Variants in ANO3 observed in about 807,000 individuals in gnomAD.
ANO3 encodes anoctamin-3.
In ANO3, 99 loss-of-function variants were observed where a neutral mutation model predicts 144.8. The ratio of observed to expected loss-of-function variants is 0.68; its 90% CI spans 0.58 to 0.81. The LOEUF is 0.81. Ranked by LOEUF, ANO3 falls within the 30% of genes least tolerant of loss-of-function variation. The probability of loss-of-function intolerance (pLI) is 0.00; values close to 1 mark genes in which losing one functional copy is unlikely to be tolerated. For synonymous variants in ANO3, 414 were observed against 392.6 expected (o/e 1.05, Z -0.64); for missense variants, 905 against 1,202.2 (o/e 0.75, Z 3.66).
At chr11:26,342,118 C>T (rs1855378070) in intron 1 of ANO3, among the ~76,000 whole-genome samples, 1 of 152,116 alleles carries the variant, frequency 6.6e-6, no homozygotes, top group Admixed American at 6.5e-5. Flanking sequence ...AATTGAAGGG[C>T]AGAGAAGTTA....
chr11:26,358,604 G>A (rs1339516690), intron 1 of ANO3, among the ~76,000 whole-genome samples: 3 of 151,974 alleles, frequency 2.0e-5, no homozygotes, highest in South Asian at 4.1e-4. Context: ...ATTTTTATGT[G>A]TATTGTGTTT....
rs373557954 is a variant in ANO3 at position 26,615,586 on chromosome 11, A to G, written c.1837-8876A>G. Among the ~76,000 whole-genome samples, 4 of 152,104 alleles carry G rather than the reference A, an allele frequency of 2.6e-5. No individual in the cohort carries two copies. The East Asian group carries it at 7.7e-4, about 29-fold the overall frequency. On this transcript the variant is annotated intron_variant, in intron 17 of 26. Transcript: ENST00000256737. ...AGGGACATAAAAATAACACATAGGG[A>G]TATTGAAAGACTAAATGAGTAACCT...
intron 1 of ANO3, among the ~76,000 whole-genome samples, chr11:26,325,991 C>A (rs1047740923): frequency 1.3e-5 from 2 of 152,030 alleles, no homozygotes; most frequent in African/African-American, 4.8e-5. Flanking sequence ...TCTAGAATCC[C>A]AAAGCAATGC....
intron 4 of ANO3, among the ~76,000 whole-genome samples, chr11:26,481,370 G>T (rs1345444625): frequency 6.6e-6 from 1 of 152,118 alleles, no homozygotes; most frequent in African/African-American, 2.4e-5. Context: ...CTAATACACT[G>T]TGTGATATAT....
chr11:26,289,888 T>C (rs1853916007), intron 1 of ANO3, among the ~76,000 whole-genome samples: 1 of 151,848 alleles, frequency 6.6e-6, no homozygotes. Flanking sequence ...TTCTCTTTTT[T>C]TGTTGTATCT....
intron 1 of ANO3, among the ~76,000 whole-genome samples, chr11:26,222,689 C>T (rs374791561): frequency 2.0e-5 from 3 of 152,256 alleles, no homozygotes; most frequent in African/African-American, 4.8e-5. Flanking sequence ...TGCACACCTA[C>T]AGGCTTAATG....
intron 1 of ANO3, among the ~76,000 whole-genome samples, chr11:26,300,199 C>A (rs528540900): frequency 3.3e-5 from 5 of 152,068 alleles, no homozygotes; most frequent in Admixed American, 6.6e-5. Context: ...CATGCAAGCA[C>A]GCACGCACAC....
At chr11:26,485,490 C>G (rs117071769) in intron 4 of ANO3, among the ~76,000 whole-genome samples, 11,421 of 152,164 alleles carry the variant, frequency 0.075, 605 homozygotes, top group Admixed American at 0.13. Context: ...CCTCCCGAGC[C>G]ACGCTTCCTG....
At chr11:26,570,132 AT>A (rs886787998) in intron 14 of ANO3, among the ~76,000 whole-genome samples, 17 of 151,972 alleles carry the variant, frequency 1.1e-4, no homozygotes, top group African/African-American at 2.4e-4. Context: ...ATATATTAAC[AT>A]TTTTTTTGTT....
intron 13 of ANO3, among the ~76,000 whole-genome samples, chr11:26,557,181 G>C (rs1296159991): frequency 6.6e-6 from 1 of 152,064 alleles, no homozygotes; most frequent in Non-Finnish European, 1.5e-5. Context: ...TGTTGAACAA[G>C]CCAGGCGCGG....
intron 3 of ANO3, among the ~76,000 whole-genome samples, chr11:26,445,873 G>C (rs1809782): frequency 0.95 from 144,428 of 152,004 alleles, 68,846 homozygotes; most frequent in East Asian, 1. Flanking sequence ...TCTCTCTTGC[G>C]CAGGCTGGAG....
rs145545081 is a variant in ANO3 at position 26,479,442 on chromosome 11, T to G, written c.432+16294T>G. On this transcript the variant is annotated intron_variant, in intron 4 of 26. Transcript: ENST00000256737. The stretch of plus-strand genomic sequence containing the variant: ...GAAAGAGGTTTAATGGACTCACAGT[T>G]CCACATGGCTGGGGAGGCCTCATAA... Among the ~76,000 whole-genome samples, 987 of 152,230 alleles carry G rather than the reference T, an allele frequency of 6.5e-3. 19 individuals are homozygous for G. The highest frequency in any genetic ancestry group is 0.038 in the South Asian group (185 of 4,818).
intron 1 of ANO3, among the ~76,000 whole-genome samples, chr11:26,248,294 C>T (rs1044993198): frequency 2.6e-5 from 4 of 151,818 alleles, no homozygotes; most frequent in Non-Finnish European, 2.9e-5. Flanking sequence ...GCCCAGATCG[C>T]GCCACTGCAC....
chr11:26,511,525 A>G (rs1326513933), intron 5 of ANO3, among the ~76,000 whole-genome samples: 1 of 152,078 alleles, frequency 6.6e-6, no homozygotes, highest in Non-Finnish European at 1.5e-5. Flanking sequence ...GTGACTTTCA[A>G]TCTACACTTA....
At chr11:26,305,697 T>C (rs1854364892), upstream of ANO3, among the ~76,000 whole-genome samples, 1 of 152,220 alleles carries the variant, frequency 6.6e-6, no homozygotes, top group African/African-American at 2.4e-5. Flanking sequence ...ATTTATTTTT[T>C]CATACAAGAG....
chr11:26,617,155 T>C (rs1439303940), intron 17 of ANO3, among the ~76,000 whole-genome samples: 2 of 152,244 alleles, frequency 1.3e-5, no homozygotes, highest in Non-Finnish European at 2.9e-5. Flanking sequence ...TCCAGTTTTA[T>C]ATTATTCCAG....
chr11:26,370,056 TA>T (rs1362406088), intron 1 of ANO3, among the ~76,000 whole-genome samples: 1 of 152,222 alleles, frequency 6.6e-6, no homozygotes, highest in Non-Finnish European at 1.5e-5. Flanking sequence ...TAGGAATGAC[TA>T]AAAACCTTAA....
chr11:26,208,088 A>T (rs1450011573), intron 1 of ANO3: 1 of 152,150 alleles, frequency 6.6e-6, no homozygotes, highest in Non-Finnish European at 1.5e-5. Context: ...AAGAAGTGAG[A>T]AGTCTTTCTT....
chr11:26,257,781 TA>T (rs1853093464), intron 1 of ANO3, among the ~76,000 whole-genome samples: 1 of 138,164 alleles, frequency 7.2e-6, no homozygotes, highest in Admixed American at 7.0e-5. Context: ...AAAACAAAGA[TA>T]AGCGACATTT....
Sources: gnomAD v4.1 joint callset for allele counts (sites outside exome capture counted in the v4.1 genomes callset) on GRCh38, gnomAD v4.1.1 for gene constraint, MANE v1.5 for transcripts, NCBI Gene and HGNC (gene_info 2026-07-23, HGNC 2026-07-21) for gene names.